Variants in DRC8 observed in about 807,000 individuals in gnomAD.
The protein encoded by DRC8 is dynein regulatory complex protein 8.
the DRC8 span, among the ~76,000 whole-genome samples, chr1:245,077,353 T>G: frequency 4.3e-3 from 660 of 152,292 alleles, 6 homozygotes; most frequent in African/African-American, 0.014. Context: ...GGAATCCAAA[T>G]AAAGTTTGGA....
At chr1:244,994,065 A>C in the DRC8 span, among the ~76,000 whole-genome samples, 3 of 152,180 alleles carry the variant, frequency 2.0e-5, no homozygotes, top group Non-Finnish European at 4.4e-5. Flanking sequence ...ATTAGGACTC[A>C]GTCTTACTGT....
chr1:244,989,410 C>A, the DRC8 span, among the ~76,000 whole-genome samples: 4 of 152,092 alleles, frequency 2.6e-5, no homozygotes, highest in African/African-American at 7.2e-5. Flanking sequence ...TCTTTAATGA[C>A]CTCCTTGACA....
At chr1:245,098,433 C>G in the DRC8 span, among the ~76,000 whole-genome samples, 4 of 152,128 alleles carry the variant, frequency 2.6e-5, no homozygotes, top group South Asian at 8.3e-4. Context: ...GGGGGCAACC[C>G]AAAGTTAGAG....
chr1:245,012,585 A>G, the DRC8 span, among the ~76,000 whole-genome samples: 3 of 152,060 alleles, frequency 2.0e-5, no homozygotes, highest in African/African-American at 7.3e-5. Flanking sequence ...TCGAAAAAAT[A>G]TTTCATCACA....
chr1:245,087,023 T>G, the DRC8 span: 1 of 635,722 alleles, frequency 1.6e-6, no homozygotes, highest in Non-Finnish European at 2.7e-6. Context: ...GCTTGATCTA[T>G]GACATCTGCA....
At chr1:245,117,163 C>CT in the DRC8 span, among the ~76,000 whole-genome samples, 2 of 152,106 alleles carry the variant, frequency 1.3e-5, no homozygotes, top group East Asian at 1.9e-4. Context: ...AGTGATTCTC[C>CT]TGCCTCAGCC....
chr1:244,993,198 G>A, the DRC8 span, among the ~76,000 whole-genome samples: 1 of 152,162 alleles, frequency 6.6e-6, no homozygotes, highest in Non-Finnish European at 1.5e-5. Context: ...TATAATATCA[G>A]TGGTGACTGC....
chr1:244,999,058 C>CAAAAAAAAAAAAAAAAAAAAAAAAAAA, the DRC8 span, among the ~76,000 whole-genome samples: 1 of 83,684 alleles, frequency 1.2e-5, no homozygotes, highest in African/African-American at 4.3e-5. Context: ...GATCCTGGGT[C>CAAAAAAAAAAAAAAAAAAAAAAAAAAA]AAAAAAAAAA....
chr1:245,017,864 CAAAA>C, the DRC8 span, among the ~76,000 whole-genome samples: 2 of 151,952 alleles, frequency 1.3e-5, no homozygotes, highest in African/African-American at 2.4e-5. Flanking sequence ...ACAAAACAAA[CAAAA>C]AACCCCTTAA....
At chr1:245,119,027 A>G in the DRC8 span, among the ~76,000 whole-genome samples, 7 of 152,248 alleles carry the variant, frequency 4.6e-5, no homozygotes, top group African/African-American at 1.7e-4. Flanking sequence ...TGCTGGTGGT[A>G]TGAGATGCTG....
the DRC8 span, chr1:244,970,648 C>CCGGCCCGCCGCT: frequency 7.7e-5 from 5 of 65,094 alleles, no homozygotes; most frequent in Admixed American, 2.2e-4. Context: ...TCCGCCCCGC[C>CCGGCCCGCCGCT]CCGCCCCGCC....
the DRC8 span, chr1:245,015,803 G>T: frequency 4.5e-6 from 1 of 220,296 alleles, no homozygotes; most frequent in Non-Finnish European, 9.4e-6. Flanking sequence ...TCTCTCACCT[G>T]GAGTATTGCA....
At chr1:244,986,425 G>A in the DRC8 span, among the ~76,000 whole-genome samples, 19 of 152,212 alleles carry the variant, frequency 1.2e-4, no homozygotes, top group African/African-American at 3.9e-4. Flanking sequence ...AGACATGAAG[G>A]TGGGAAGAAT....
the DRC8 span, among the ~76,000 whole-genome samples, chr1:245,061,328 TC>T: frequency 6.6e-6 from 1 of 152,232 alleles, no homozygotes; most frequent in Non-Finnish European, 1.5e-5. Context: ...AGGATAATAA[TC>T]CCCACTGGTT....
chr1:244,980,347 G>A, the DRC8 span, among the ~76,000 whole-genome samples: 1 of 152,040 alleles, frequency 6.6e-6, no homozygotes, highest in African/African-American at 2.4e-5. Flanking sequence ...GACAGAATGA[G>A]ACTCTGTCTA....
At chr1:244,980,794 G>T in the DRC8 span, among the ~76,000 whole-genome samples, 2 of 152,228 alleles carry the variant, frequency 1.3e-5, no homozygotes, top group African/African-American at 4.8e-5. Context: ...AATGAAAAAT[G>T]AGAATGATGT....
chr1:245,020,494 T>A, the DRC8 span, among the ~76,000 whole-genome samples: 7 of 152,056 alleles, frequency 4.6e-5, no homozygotes, highest in African/African-American at 1.7e-4. Context: ...GTTCTCAGAG[T>A]GCCCCCAAGA....
the DRC8 span, among the ~76,000 whole-genome samples, chr1:245,036,440 G>C: frequency 1.5e-4 from 23 of 152,166 alleles, no homozygotes; most frequent in Admixed American, 1.5e-3. Context: ...AGTAGTTCTT[G>C]GGAAAGTTAA....
At chr1:244,974,608 C>T in the DRC8 span, among the ~76,000 whole-genome samples, 7 of 152,010 alleles carry the variant, frequency 4.6e-5, no homozygotes, top group East Asian at 1.3e-3. Context: ...ACAGAAATTT[C>T]AGGTGCCTAT....
Sources: allele counts gnomAD v4.1 joint callset (sites outside exome capture counted in the v4.1 genomes callset), GRCh38; gene constraint gnomAD v4.1.1; transcripts MANE v1.5; gene names NCBI Gene and HGNC (gene_info 2026-07-23, HGNC 2026-07-21).